Variants in LNX2 observed in about 807,000 individuals in gnomAD.
LNX2 encodes ligand of numb-protein X 2, also known as ligand of Numb protein X 2.
Under a neutral mutation model 66.2 loss-of-function variants are expected in LNX2, and 35 were observed. The ratio of observed to expected loss-of-function variants is 0.53; its 90% CI spans 0.40 to 0.70. The LOEUF is 0.70. Among genes scored for constraint, LNX2 ranks in the 30% least tolerant of loss-of-function variants. LNX2 has a pLI of 0.00. For synonymous variants in LNX2, 337 were observed against 315.6 expected, an observed-to-expected ratio of 1.07 and a Z score of -0.72; for missense variants, 791 against 850.8, an observed-to-expected ratio of 0.93 and a Z score of 0.87.
chr13:27,603,413 T>C (rs1358500704), intron 1 of LNX2, among the ~76,000 whole-genome samples: 2 of 150,804 alleles, frequency 1.3e-5, no homozygotes, highest in African/African-American at 2.4e-5. Flanking sequence ...CTTGGTACAA[T>C]TGCACATTCT....
intron 1 of LNX2, among the ~76,000 whole-genome samples, chr13:27,607,123 C>T (rs554130732): frequency 3.4e-4 from 52 of 152,264 alleles, no homozygotes; most frequent in Admixed American, 9.8e-4. Flanking sequence ...TTTTGCAAGA[C>T]ACATTGTTTA....
At chr13:27,606,402 C>A (rs1461560312) in intron 1 of LNX2, among the ~76,000 whole-genome samples, 1 of 140,274 alleles carries the variant, frequency 7.1e-6, no homozygotes. Flanking sequence ...GAGAGAAAAG[C>A]TCAAAAAAAA....
intron 9 of LNX2, among the ~76,000 whole-genome samples, 199 bp from the exon 10 acceptor site, chr13:27,548,669 C>G (rs140841772): frequency 1.3e-5 from 2 of 152,228 alleles, no homozygotes; most frequent in Non-Finnish European, 2.9e-5. Flanking sequence ...ACCCCTGTGC[C>G]GATGACTCCA....
At chr13:27,573,184 C>G (rs781226924) in intron 2 of LNX2, among the ~76,000 whole-genome samples, 1 of 152,160 alleles carries the variant, frequency 6.6e-6, no homozygotes, top group African/African-American at 2.4e-5. Context: ...GGAAAAGCAA[C>G]AGCCCACATC....
chr13:27,568,925 T>C, intron 3 of LNX2, 104 bp downstream of exon 3: 1 of 1,251,904 alleles, frequency 8.0e-7, no homozygotes, highest in Middle Eastern at 2.5e-4. Context: ...TGTTTATTTT[T>C]ATTTTTTAAA....
chr13:27,554,622 A>G (rs979264343), intron 7 of LNX2, among the ~76,000 whole-genome samples: 1 of 152,202 alleles, frequency 6.6e-6, no homozygotes, highest in African/African-American at 2.4e-5. Flanking sequence ...CATTCCATTG[A>G]TCCATTCCTC....
At chr13:27,554,298 C>G (rs1359456101) in intron 7 of LNX2, among the ~76,000 whole-genome samples, 1 of 152,200 alleles carries the variant, frequency 6.6e-6, no homozygotes, top group Non-Finnish European at 1.5e-5. Flanking sequence ...TCAATTCACC[C>G]ATTTAAAGAA....
intron 2 of LNX2, among the ~76,000 whole-genome samples, chr13:27,579,225 C>G (rs1398943418): frequency 1.3e-5 from 2 of 152,068 alleles, no homozygotes; most frequent in Non-Finnish European, 2.9e-5. Flanking sequence ...TTTCAATGTT[C>G]TTATTTAAGA....
Position 27,559,905 on chromosome 13 carries a change from A to G in LNX2, c.1305T>C (p.Asn435=). The G allele has an allele frequency of 6.2e-7, 1 of 1,611,220 alleles. No homozygotes were observed. The change falls in exon 6 of 10, where the codon AAT becomes AAC. Residue 435 remains asparagine, a synonymous_variant. Transcript: ENST00000316334. ...QPGNTIREAG[N]HSSSSQHHTP... Reference sequence around the variant, plus strand: ...TGTGGTGCTGGCTGCTGCTGCTATGATTTCCTGCTTCTCTAATGGTGTTAC... The same window carrying G: ...TGTGGTGCTGGCTGCTGCTGCTATGGTTTCCTGCTTCTCTAATGGTGTTAC...
chr13:27,582,196 A>AT (rs1955406615), intron 1 of LNX2, among the ~76,000 whole-genome samples: 1 of 151,922 alleles, frequency 6.6e-6, no homozygotes, highest in African/African-American at 2.4e-5. Context: ...TGTCCTGTTA[A>AT]TTTTTTTGTA....
chr13:27,598,369 A>G (rs1955622198), intron 1 of LNX2, among the ~76,000 whole-genome samples: 1 of 152,186 alleles, frequency 6.6e-6, no homozygotes, highest in African/African-American at 2.4e-5. Context: ...ACAGAATATT[A>G]GGATTTTTGT....
rs1955435678 is a variant in LNX2, at chr13:27,583,240, G to GTCCTCTCCAATATAACTT, written c.-100-1438_-100-1437insAAGTTATATTGGAGAGGA. 4.0e-4 allele frequency among the ~76,000 whole-genome samples: 9 copies of GTCCTCTCCAATATAACTT among 22,642 alleles called. 1 individual carries two copies. Among genetic ancestry groups the GTCCTCTCCAATATAACTT allele is most frequent in the African/African-American group, 1.1e-3 (4 of 3,610 alleles). 14.9% of individuals were successfully genotyped at this position (22,642 alleles called of 152,430 possible). A position where few individuals can be genotyped will look rare whatever the true frequency, so the allele number is the denominator to read the frequency against. On this transcript the variant is annotated intron_variant, in intron 1 of 9. Coordinates refer to ENST00000316334, the MANE Select transcript of LNX2 (RefSeq NM_153371.4). ...TGTGTGTGTGTGTGTGTGTGTGTGT[G>GTCCTCTCCAATATAACTT]TGTGTGTGTGTGTGTGCGCGCGTCC...
chr13:27,573,110 A>C (rs949533403), intron 2 of LNX2, among the ~76,000 whole-genome samples: 56 of 152,200 alleles, frequency 3.7e-4, no homozygotes, highest in African/African-American at 1.4e-3. Flanking sequence ...GACTCTCAGT[A>C]AGAAGAGAGA....
intron 1 of LNX2, among the ~76,000 whole-genome samples, chr13:27,592,309 C>A (rs1011536119): frequency 6.6e-6 from 1 of 152,044 alleles, no homozygotes; most frequent in African/African-American, 2.4e-5. Context: ...AAGGTAGAAC[C>A]AATACAGTTT....
intron 1 of LNX2, among the ~76,000 whole-genome samples, chr13:27,596,017 T>TA (rs1169711949): frequency 6.6e-6 from 1 of 152,164 alleles, no homozygotes; most frequent in African/African-American, 2.4e-5. Flanking sequence ...TGCAGGGTAT[T>TA]AAACACACGT....
intron 1 of LNX2, among the ~76,000 whole-genome samples, chr13:27,619,061 GAATA>G (rs937133020): frequency 1.3e-5 from 2 of 152,258 alleles, no homozygotes; most frequent in East Asian, 3.9e-4. Context: ...GTGGCTAAAT[GAATA>G]AATAATGAAA....
intron 1 of LNX2, among the ~76,000 whole-genome samples, chr13:27,584,474 A>T (rs1434105833): frequency 6.7e-6 from 1 of 150,098 alleles, no homozygotes; most frequent in East Asian, 2.0e-4. Context: ...CGATCCCTTG[A>T]GCCCAGGAGT....
intron 9 of LNX2, 128 bp from the exon 10 acceptor site, chr13:27,548,598 A>G: frequency 4.9e-6 from 5 of 1,019,968 alleles, no homozygotes; most frequent in Non-Finnish European, 7.0e-6. Flanking sequence ...TAGGGTGTAT[A>G]ATCTACTTTG....
At chr13:27,612,038 A>G (rs1955779038) in intron 1 of LNX2, among the ~76,000 whole-genome samples, 2 of 152,254 alleles carry the variant, frequency 1.3e-5, no homozygotes, top group African/African-American at 4.8e-5. Context: ...CACATTTGGA[A>G]AAACAGATCT....
Sources: gnomAD v4.1 joint callset for allele counts (sites outside exome capture counted in the v4.1 genomes callset) on GRCh38, gnomAD v4.1.1 for gene constraint, MANE v1.5 for transcripts, NCBI Gene and HGNC (gene_info 2026-07-23, HGNC 2026-07-21) for gene names.